SGCG: variants seen among roughly 807,000 people sequenced by gnomAD.
SGCG encodes the protein gamma-sarcoglycan.
In SGCG, 26 loss-of-function variants were observed where a neutral mutation model predicts 29.3. That is an observed-to-expected ratio of 0.89 (90% confidence interval 0.65 to 1.23). SGCG has a LOEUF of 1.23. SGCG is among the 50% of genes most tolerant of loss of function. The pLI is 0.00. For synonymous variants in SGCG, 145 were observed against 129.7 expected (o/e 1.12, Z -0.80); for missense variants, 353 against 356.0 (o/e 0.99, Z 0.07).
At chr13:23,293,778 C>T (rs1037153535) in intron 5 of SGCG, among the ~76,000 whole-genome samples, 3 of 150,322 alleles carry the variant, frequency 2.0e-5, no homozygotes, top group Non-Finnish European at 2.9e-5. Context: ...TTGCAGTGAG[C>T]GGAGATCTTG....
At chr13:23,243,833 G>A (rs1418920337) in intron 3 of SGCG, 1 of 152,018 alleles carries the variant, frequency 6.6e-6, no homozygotes, top group Non-Finnish European at 1.5e-5. Flanking sequence ...AAAATGAAAG[G>A]ATCAATGCTC....
At chr13:23,249,783 A>C (rs1879890630) in intron 3 of SGCG, among the ~76,000 whole-genome samples, 1 of 152,202 alleles carries the variant, frequency 6.6e-6, no homozygotes, top group Non-Finnish European at 1.5e-5. Flanking sequence ...AAATTAATGA[A>C]CCAAATGTTT....
At chr13:23,225,607 T>A (rs1878863112) in intron 2 of SGCG, among the ~76,000 whole-genome samples, 2 of 152,140 alleles carry the variant, frequency 1.3e-5, no homozygotes, top group Admixed American at 1.3e-4. Context: ...CTTTGAGCCC[T>A]TCCTTTCTGA....
intron 3 of SGCG, among the ~76,000 whole-genome samples, chr13:23,248,505 C>T (rs1237792819): frequency 6.6e-6 from 1 of 150,502 alleles, no homozygotes; most frequent in African/African-American, 2.4e-5. Flanking sequence ...TGGAGACCAT[C>T]TTGGCTAACG....
At chr13:23,215,086 C>A (rs960363207) in intron 2 of SGCG, among the ~76,000 whole-genome samples, 8 of 152,006 alleles carry the variant, frequency 5.3e-5, no homozygotes, top group African/African-American at 1.9e-4. Context: ...GTGATTTAAC[C>A]ATATTACAGC....
At chr13:23,200,283 C>T (rs512392) in intron 1 of SGCG, among the ~76,000 whole-genome samples, 129,159 of 151,934 alleles carry the variant, frequency 0.85, 55,421 homozygotes, top group East Asian at 0.99. Flanking sequence ...ATTAGCTGGG[C>T]GTGGTGGCAT....
chr13:23,164,321 A>G, the SGCG span, among the ~76,000 whole-genome samples: 1 of 152,206 alleles, frequency 6.6e-6, no homozygotes, highest in Non-Finnish European at 1.5e-5. Flanking sequence ...TGCTCTGAAA[A>G]GAAAGATGCT....
intron 3 of SGCG, among the ~76,000 whole-genome samples, chr13:23,248,630 C>A (rs1265259025): frequency 6.8e-6 from 1 of 146,190 alleles, no homozygotes; most frequent in Non-Finnish European, 1.5e-5. Flanking sequence ...GGAGGCGGAG[C>A]TTCCGGCGAG....
chr13:23,314,199 G>A (rs1165789828), intron 6 of SGCG, among the ~76,000 whole-genome samples: 1 of 149,428 alleles, frequency 6.7e-6, no homozygotes, highest in Non-Finnish European at 1.5e-5. Flanking sequence ...TAGAGAGAGA[G>A]AGAGAGAGTT....
At position 23,324,931 on chromosome 13, in the gene SGCG, T is replaced by G; in HGVS notation, c.*390T>G. On this transcript the variant is annotated 3_prime_UTR_variant, in exon 8 of 8. Transcript: ENST00000218867. ...TCTAATGCCCTGTTGAGAGTAGCCT[T>G]GCTCAGTACTAAAATGCCCCAAAGT... The G allele has an allele frequency of 3.0e-6, 1 of 329,758 alleles. No individual in the cohort carries two copies. Among genetic ancestry groups the G allele is most frequent in the South Asian group, 2.6e-5 (1 of 38,352 alleles). 20.4% of individuals were successfully genotyped at this position (329,758 alleles called of 1,614,324 possible). A position where few individuals can be genotyped will look rare whatever the true frequency, so the allele number is the denominator to read the frequency against.
chr13:23,264,329 C>T (rs1424907281), intron 4 of SGCG, among the ~76,000 whole-genome samples: 1 of 148,820 alleles, frequency 6.7e-6, no homozygotes, highest in East Asian at 2.0e-4. Flanking sequence ...ATTCATTTTA[C>T]AATGGTTACA....
chr13:23,311,099 T>C (rs1341972675), intron 6 of SGCG, among the ~76,000 whole-genome samples: 1 of 152,212 alleles, frequency 6.6e-6, no homozygotes, highest in Non-Finnish European at 1.5e-5. Context: ...AAATGTCCAG[T>C]TTCCTTTATA....
chr13:23,204,945 T>C (rs1877930463), intron 2 of SGCG, among the ~76,000 whole-genome samples: 1 of 152,046 alleles, frequency 6.6e-6, no homozygotes, highest in African/African-American at 2.4e-5. Context: ...ACATCATAAA[T>C]AAATATTTAT....
the SGCG span, among the ~76,000 whole-genome samples, chr13:23,168,603 C>A: frequency 5.3e-5 from 8 of 152,262 alleles, no homozygotes; most frequent in African/African-American, 1.9e-4. Context: ...ATCACTGTAA[C>A]CTCTGTATAC....
At chr13:23,207,110 A>C (rs544565418) in intron 2 of SGCG, among the ~76,000 whole-genome samples, 9 of 152,352 alleles carry the variant, frequency 5.9e-5, no homozygotes, top group Non-Finnish European at 2.9e-5. Context: ...GTACTGGCAT[A>C]AAGAAAGGCA....
At chr13:23,226,447 A>C (rs1878903253) in intron 2 of SGCG, among the ~76,000 whole-genome samples, 1 of 150,280 alleles carries the variant, frequency 6.7e-6, no homozygotes, top group South Asian at 2.1e-4. Flanking sequence ...AACACTGATG[A>C]AAGACATCTT....
At chr13:23,187,569 T>C (rs934283180) in intron 1 of SGCG, among the ~76,000 whole-genome samples, 3 of 152,158 alleles carry the variant, frequency 2.0e-5, no homozygotes, top group Non-Finnish European at 2.9e-5. Flanking sequence ...GCCTACCAAA[T>C]GTGGCCCGTT....
chr13:23,263,121 A>C (rs1788019193), intron 4 of SGCG, among the ~76,000 whole-genome samples: 2 of 151,960 alleles, frequency 1.3e-5, no homozygotes, highest in South Asian at 4.2e-4. Flanking sequence ...CCAAACCCAA[A>C]GCTACCATAG....
chr13:23,204,524 T>C (rs942854679), intron 2 of SGCG, among the ~76,000 whole-genome samples: 1 of 152,192 alleles, frequency 6.6e-6, no homozygotes, highest in African/African-American at 2.4e-5. Flanking sequence ...CAGAGAACAT[T>C]GCAGGCAGGT....
Sources: allele counts gnomAD v4.1 joint callset (sites outside exome capture counted in the v4.1 genomes callset), GRCh38; gene constraint gnomAD v4.1.1; transcripts MANE v1.5; gene names NCBI Gene and HGNC (gene_info 2026-07-23, HGNC 2026-07-21).